The following ENY2 variants were observed in gnomAD, a reference collection of about 807,000 sequenced individuals.
ENY2 encodes the protein transcription and mRNA export factor ENY2.
Under a neutral mutation model 15.9 loss-of-function variants are expected in ENY2, and 4 were observed. That is an observed-to-expected ratio of 0.25 (90% CI 0.12 to 0.57). The LOEUF (loss-of-function observed/expected upper bound fraction) is 0.57, where lower values mean the gene tolerates loss of function less well. Ranked by LOEUF, ENY2 falls within the 20% of genes least tolerant of loss-of-function variation. ENY2 has a pLI of 0.91. For missense variants in ENY2, 54 were observed against 117.2 expected (o/e 0.46, Z 2.49); for synonymous variants, 48 against 38.0 (o/e 1.26, Z -0.97).
intron 4 of ENY2, 149 bp downstream of exon 4, chr8:109,340,712 T>C: frequency 1.1e-6 from 1 of 872,456 alleles, no homozygotes; most frequent in Non-Finnish European, 1.7e-6. Context: ...ACCTGCCTCC[T>C]AGCATAGTCT....
chr8:109,342,767 C>A (rs753546473), intron 4 of ENY2: 1 of 696,012 alleles, frequency 1.4e-6, no homozygotes, highest in South Asian at 1.5e-5. Flanking sequence ...ACCTTCCAGA[C>A]TGCTGGGATG....
chr8:109,342,812 A>T, intron 4 of ENY2: 1 of 639,240 alleles, frequency 1.6e-6, no homozygotes, highest in Non-Finnish European at 2.8e-6. Flanking sequence ...CCAACACAGT[A>T]TATTATTGAC....
chr8:109,342,068 TG>T, intron 4 of ENY2, among the ~76,000 whole-genome samples: 1 of 152,326 alleles, frequency 6.6e-6, no homozygotes, highest in Admixed American at 6.5e-5. Flanking sequence ...TTATTTGATT[TG>T]TATAACTTTT....
Position 109,345,528 on chromosome 8 carries a change from G to A in ENY2, c.*2047G>A, listed in dbSNP as rs1346064916. 1 of 152,074 alleles carries A rather than the reference G, an allele frequency of 6.6e-6. No individual in the cohort carries two copies. Among genetic ancestry groups the A allele is most frequent in the East Asian group, 1.9e-4 (1 of 5,182 alleles). 9.4% of individuals were successfully genotyped at this position (152,074 alleles called of 1,614,324 possible). The stretch of plus-strand genomic sequence containing the variant: ...CAAAACCTACCCAAACAAGTTTTTT[G>A]TTTCACTTCATCTCTTATAAAACAA... On this transcript the variant is annotated 3_prime_UTR_variant, in exon 5 of 5. Transcript: ENST00000521688.
rs1485539816 is a variant in ENY2, at chr8:109,345,393, A to C, written c.*1912A>C. ...ATAGTTGAGAAAAGGATTCAAATTG[A>C]TCTTTGGTTCGAGAGACAATTTCAT... On this transcript the variant is annotated 3_prime_UTR_variant, in exon 5 of 5. Coordinates refer to ENST00000521688, the MANE Select transcript of ENY2 (RefSeq NM_020189.6). The C allele has an allele frequency of 2.0e-5, 3 of 152,188 alleles. No individual in the cohort carries two copies. Among genetic ancestry groups the C allele is most frequent in the African/African-American group, 7.2e-5 (3 of 41,446 alleles). 9.4% of individuals were successfully genotyped at this position (152,188 alleles called of 1,614,324 possible).
Position 109,339,360 on chromosome 8 carries a change from T to A in ENY2, c.124T>A (p.Trp42Arg). The A allele has an allele frequency of 6.2e-7, 1 of 1,613,960 alleles. No individual in the cohort carries two copies. Among genetic ancestry groups the A allele is most frequent in the Non-Finnish European group, 8.5e-7 (1 of 1,179,896 alleles). ...LLRAKLIECG[W>R]KDQLKAHCKE... ...GAGAGCTAAATTAATTGAATGTGGC[T>A]GGAAGGATCAGTTGAAGGCACACTG... is the stretch of plus-strand genomic sequence containing the variant. Residue 42 changes from tryptophan to arginine, a missense_variant, in exon 3 of 5, where the codon TGG becomes AGG. Coordinates refer to ENST00000521688, the MANE Select transcript of ENY2 (RefSeq NM_020189.6).
At chr8:109,336,753 C>CT (rs941441793) in intron 2 of ENY2, among the ~76,000 whole-genome samples, 27 of 152,306 alleles carry the variant, frequency 1.8e-4, no homozygotes, top group African/African-American at 4.6e-4. Flanking sequence ...CCAGTATAAT[C>CT]TAAGTTCTTT....
intron 4 of ENY2, among the ~76,000 whole-genome samples, chr8:109,341,634 T>C (rs935535381): frequency 2.0e-5 from 3 of 152,182 alleles, no homozygotes; most frequent in African/African-American, 7.2e-5. Flanking sequence ...GACATTTCAA[T>C]GTCTTGTAGC....
In ENY2 at chr8:109,334,432, T is replaced by C. The variant is rs1815905519; in HGVS notation, c.-37T>C. ...GTAACGGTCCTCAGCGCAAGGGTCA[T>C]TTCGTCGCTGGGAAGGGACGGCCCT... On this transcript the variant is annotated 5_prime_UTR_variant, in exon 1 of 5. Coordinates refer to ENST00000521688, the MANE Select transcript of ENY2 (RefSeq NM_020189.6). The C allele has an allele frequency of 6.2e-7, 1 of 1,613,908 alleles. No homozygotes were observed.
At chr8:109,340,395 C>G (rs773518860) in intron 3 of ENY2, 94 bp from the exon 4 acceptor site, 1 of 1,551,576 alleles carries the variant, frequency 6.4e-7, no homozygotes, top group Non-Finnish European at 8.7e-7. Context: ...CCAGTCTACA[C>G]TCTAAAAACA....
intron 4 of ENY2, 123 bp downstream of exon 4, chr8:109,340,686 A>G (rs1816092547): frequency 7.7e-7 from 1 of 1,305,868 alleles, no homozygotes; most frequent in East Asian, 2.6e-5. Context: ...CCTCTTGTAA[A>G]GAGTTAAAAT....
chr8:109,336,337 A>G (rs1253670830), intron 2 of ENY2, 133 bp downstream of exon 2: 1 of 800,702 alleles, frequency 1.2e-6, no homozygotes, highest in Non-Finnish European at 1.9e-6. Flanking sequence ...TATTCCGAAC[A>G]TCTGGAAAAA....
rs1234966157 is a variant in ENY2 at position 109,339,502 on chromosome 8, A to G, written c.154+112A>G. 3.5e-6 allele frequency: 3 copies of G among 852,642 alleles called. No individual in the cohort carries two copies. The East Asian group carries it at 8.2e-5, about 23-fold the overall frequency. The allele number at this position is 852,642 out of a possible 1,614,324, so 52.8% of individuals were successfully genotyped here. On this transcript the variant is annotated intron_variant, in intron 3 of 4. Transcript: ENST00000521688. ...TATTCAAGCATGATTTTAAACAAAT[A>G]TGGAATTTAATCTTGTAATGGTTTC...
chr8:109,339,712 T>C (rs1816073370), intron 3 of ENY2: 1 of 235,398 alleles, frequency 4.2e-6, no homozygotes, highest in East Asian at 9.1e-5. Flanking sequence ...ATAGAAATTA[T>C]CTCTTTCCTG....
At position 109,344,134 on chromosome 8, in the gene ENY2, A is replaced by G. The variant is rs1307716182; in HGVS notation, c.*653A>G. ...TAATGGGAATTAATCTCCACCCATT[A>G]GCTTTACCCTGACATCAGGATTGCC... On this transcript the variant is annotated 3_prime_UTR_variant, in exon 5 of 5. Coordinates refer to ENST00000521688, the MANE Select transcript of ENY2 (RefSeq NM_020189.6). 6.6e-6 allele frequency: 1 copy of G among 152,200 alleles called. No individual in the cohort carries two copies. The highest frequency in any genetic ancestry group is 2.4e-5 in the African/African-American group (1 of 41,434). 9.4% of individuals were successfully genotyped at this position (152,200 alleles called of 1,614,324 possible). A position where few individuals can be genotyped will look rare whatever the true frequency, so the allele number is the denominator to read the frequency against.
At position 109,334,443 on chromosome 8, in the gene ENY2, G is replaced by C; in HGVS notation, c.-26G>C. 1 of 1,613,954 alleles carries C rather than the reference G, an allele frequency of 6.2e-7. No individual in the cohort carries two copies. The highest frequency in any genetic ancestry group is 8.5e-7 in the Non-Finnish European group (1 of 1,179,954). The stretch of plus-strand genomic sequence containing the variant: ...CAGCGCAAGGGTCATTTCGTCGCTG[G>C]GAAGGGACGGCCCTCGCCCGCGGTG... On this transcript the variant is annotated 5_prime_UTR_variant, in exon 1 of 5. Transcript: ENST00000521688.
chr8:109,336,593 T>C (rs575309562), intron 2 of ENY2: 1 of 162,860 alleles, frequency 6.1e-6, no homozygotes, highest in South Asian at 1.7e-4. Context: ...TTCTTCCTTC[T>C]CTTCCTTTTT....
At chr8:109,342,608 A>C in intron 4 of ENY2, 1 of 651,572 alleles carries the variant, frequency 1.5e-6, no homozygotes, top group Non-Finnish European at 2.8e-6. Context: ...CCCAGGCTTA[A>C]GTGATCCTTC....
In ENY2 at chr8:109,340,502, A is replaced by G. The variant is rs200948145; in HGVS notation, c.168A>G (p.Glu56=). Reference sequence around the variant, plus strand: ...CTTTTGCATAAGAGGTAATTAAAGAAAAAGGACTAGAACACGTTACTGTTG... The same window carrying G: ...CTTTTGCATAAGAGGTAATTAAAGAGAAAGGACTAGAACACGTTACTGTTG... The part of the protein sequence containing the change: ...LKAHCKEVIK[E]KGLEHVTVDD... Residue 56 remains glutamate, a synonymous_variant, in exon 4 of 5, where the codon GAA becomes GAG. Coordinates refer to ENST00000521688, the MANE Select transcript of ENY2 (RefSeq NM_020189.6). 1.4e-5 allele frequency: 22 copies of G among 1,613,434 alleles called. No individual in the cohort carries two copies. In the African/African-American group the frequency reaches 2.4e-4, roughly 18 times the overall value.
Sources: allele counts gnomAD v4.1 joint callset (sites outside exome capture counted in the v4.1 genomes callset), GRCh38; gene constraint gnomAD v4.1.1; transcripts MANE v1.5; gene names NCBI Gene and HGNC (gene_info 2026-07-23, HGNC 2026-07-21).